Variants in ABCA5 observed in about 807,000 individuals in gnomAD.
ABCA5 encodes the protein ATP binding cassette subfamily A member 5.
ABCA5 carries 163 observed loss-of-function variants against 206.0 expected under a neutral mutation model. The observed-to-expected ratio is 0.79, with a 90% CI of 0.70 to 0.90. The LOEUF (loss-of-function observed/expected upper bound fraction) is 0.90. Ranked by LOEUF, ABCA5 falls within the 40% of genes least tolerant of loss-of-function variation. The probability of loss-of-function intolerance (pLI) is 0.00; values close to 1 mark genes in which losing one functional copy is unlikely to be tolerated. For missense variants in ABCA5, 1,859 were observed against 1,912.9 expected (o/e 0.97, Z 0.53); for synonymous variants, 609 against 613.8 (o/e 0.99, Z 0.11).
At chr17:69,277,930 G>C in intron 18 of ABCA5, 88 bp from the exon 19 acceptor site, 1 of 992,682 alleles carries the variant, frequency 1.0e-6, no homozygotes, top group South Asian at 2.0e-5. Flanking sequence ...AGAAGCATTG[G>C]TCTGGCAGTT....
intron 4 of ABCA5, 54 bp from the exon 5 acceptor site, chr17:69,308,422 G>A (rs568846058): frequency 2.2e-5 from 27 of 1,222,880 alleles, no homozygotes; most frequent in Middle Eastern, 1.9e-4. Flanking sequence ...CAAGTGCATC[G>A]TTTTAAAGAT....
rs566757690 is a variant in ABCA5, at chr17:69,251,949, GTTAA to G, written c.4416-87_4416-84del. On this transcript the variant is annotated intron_variant, in intron 34 of 38. Coordinates refer to ENST00000392676, the MANE Select transcript of ABCA5 (RefSeq NM_172232.4). ...GGGTTTTTAAAAATCCAACCGGTTG[GTTAA>G]TTAAGTTAATTAAAACTTACCAAAT... 945 of 1,414,674 alleles carry G rather than the reference GTTAA, an allele frequency of 6.7e-4. 3 individuals carry two copies. The highest frequency in any genetic ancestry group is 9.4e-4 in the South Asian group (74 of 79,070). 87.6% of individuals were successfully genotyped at this position (1,414,674 alleles called of 1,614,324 possible).
rs148439189 is a variant in ABCA5, at chr17:69,311,604, C to G, written c.307+1488G>C. 4.1e-3 allele frequency among the ~76,000 whole-genome samples: 620 copies of G among 152,210 alleles called. 10 individuals are homozygous for G. The highest frequency in any genetic ancestry group is 0.014 in the African/African-American group (566 of 41,538). On this transcript the variant is annotated intron_variant, in intron 3 of 38. Transcript: ENST00000392676. ...TCCCGGGTTCAAGCAATTCTCCTGCCTCAACCTCCCAAGTAGCTGGGACTA... is the reference window on the plus strand; with the variant it reads ...TCCCGGGTTCAAGCAATTCTCCTGCGTCAACCTCCCAAGTAGCTGGGACTA...
chr17:69,275,218 T>C (rs2075318382), intron 19 of ABCA5, among the ~76,000 whole-genome samples: 1 of 152,230 alleles, frequency 6.6e-6, no homozygotes, highest in Non-Finnish European at 1.5e-5. Context: ...AAACTCTGAA[T>C]GGCTGATATC....
At chr17:69,247,687 A>T in intron 38 of ABCA5, 43 bp from the exon 39 acceptor site, 1 of 1,142,722 alleles carries the variant, frequency 8.8e-7, no homozygotes, top group Non-Finnish European at 1.3e-6. Flanking sequence ...CTGTATCTCA[A>T]GTACCTCAAA....
In ABCA5 at chr17:69,273,660, T is replaced by C. The variant is rs188106409; in HGVS notation, c.2764+299A>G. Among the ~76,000 whole-genome samples, 471 of 152,118 alleles carry C rather than the reference T, an allele frequency of 3.1e-3. 3 individuals are homozygous for C. The highest frequency in any genetic ancestry group is 0.01 in the Middle Eastern group (3 of 294). ...TAGTAGAGACGGGGTTTCACCGTGT[T>C]AGCCAGGATGGTCTCGATCCCCTGA... On this transcript the variant is annotated intron_variant, in intron 20 of 38. Transcript: ENST00000392676.
Position 69,310,193 on chromosome 17 carries a change from C to T in ABCA5, c.308-770G>A, listed in dbSNP as rs191226472. Among the ~76,000 whole-genome samples the T allele has an allele frequency of 4.4e-3, 676 of 152,162 alleles. 5 individuals are homozygous for T. Among genetic ancestry groups the T allele is most frequent in the African/African-American group, 0.015 (635 of 41,508 alleles). ...GACAGGGCTTTGTTCTGTTACCCAG[C>T]CTGCAGTGCACTGGATCTTGCACTC... On this transcript the variant is annotated intron_variant, in intron 3 of 38. Transcript: ENST00000392676.
At chr17:69,248,372 T>C in intron 37 of ABCA5, 55 bp from the exon 38 acceptor site, 2 of 1,055,934 alleles carry the variant, frequency 1.9e-6, no homozygotes, top group Non-Finnish European at 2.8e-6. Context: ...AAAATGGCAA[T>C]ACCTACCAAA....
intron 24 of ABCA5, among the ~76,000 whole-genome samples, 159 bp downstream of exon 24, chr17:69,264,576 T>C (rs1019990489): frequency 6.6e-6 from 1 of 152,208 alleles, no homozygotes; most frequent in Non-Finnish European, 1.5e-5. Context: ...TCACTTATCA[T>C]ATAAAATGAT....
chr17:69,316,989 A>G (rs960440611), intron 1 of ABCA5: 1 of 152,268 alleles, frequency 6.6e-6, no homozygotes, highest in Non-Finnish European at 1.5e-5. Flanking sequence ...ATGTTCACAC[A>G]CGTTCACAGT....
In ABCA5 at chr17:69,303,800, A is replaced by ATGTG. The variant is rs1208858786; in HGVS notation, c.930+868_930+869insCACA. Among the ~76,000 whole-genome samples, 8 of 7,440 alleles carry ATGTG rather than the reference A, an allele frequency of 1.1e-3. 1 individual carries two copies. In the Non-Finnish European group the frequency reaches 0.018, roughly 17 times the overall value. 4.9% of individuals were successfully genotyped at this position (7,440 alleles called of 152,430 possible). ...AAAAAAAAAAAATATATATATATAT[A>ATGTG]TATATATACATACATATATATATAT... On this transcript the variant is annotated intron_variant, in intron 7 of 38. Transcript: ENST00000392676.
intron 22 of ABCA5, among the ~76,000 whole-genome samples, chr17:69,269,997 C>T (rs1012540178): frequency 6.6e-6 from 1 of 151,894 alleles, no homozygotes; most frequent in Non-Finnish European, 1.5e-5. Flanking sequence ...TTAAAACTGA[C>T]TGTAGTGATG....
chr17:69,274,103 T>C lies in ABCA5; in HGVS notation c.2620A>G (p.Thr874Ala), dbSNP rs1385559888. 3.2e-6 allele frequency: 5 copies of C among 1,567,202 alleles called. No homozygotes were observed. In the South Asian group the frequency reaches 6.1e-5, roughly 19 times the overall value. The change falls in exon 20 of 39, where the codon ACA (threonine) becomes GCA (alanine). Residue 874 changes from threonine to alanine, a missense_variant. Coordinates refer to ENST00000392676, the MANE Select transcript of ABCA5 (RefSeq NM_172232.4). ...ACCAAAAACATAAAAATCTGAACTG[T>C]GAAAAAAATTAAAAGCAGAAGCAAC... ...SVLLLLLIFF[T>A]VQIFMFLVHH...
chr17:69,265,814 T>C (rs537450996), intron 23 of ABCA5, among the ~76,000 whole-genome samples: 31 of 152,332 alleles, frequency 2.0e-4, no homozygotes, highest in Admixed American at 7.2e-4. Context: ...TTCAAACTTT[T>C]GTCATTCACA....
intron 32 of ABCA5, 137 bp downstream of exon 32, chr17:69,254,178 A>G (rs2075048877): frequency 1.4e-6 from 1 of 716,856 alleles, no homozygotes; most frequent in African/African-American, 1.8e-5. Context: ...CATATATCAT[A>G]AAGAATATAT....
intron 20 of ABCA5, 26 bp downstream of exon 20, chr17:69,273,933 G>A (rs752755984): frequency 1.8e-5 from 29 of 1,577,182 alleles, no homozygotes; most frequent in East Asian, 4.5e-5. Flanking sequence ...GCCAACACTC[G>A]TTCACAGACC....
chr17:69,311,478 GTTC>G (rs2075768884), intron 3 of ABCA5, among the ~76,000 whole-genome samples: 1 of 151,812 alleles, frequency 6.6e-6, no homozygotes, highest in South Asian at 2.1e-4. Context: ...TTGTTTGTTT[GTTC>G]TTTTTTTGTT....
chr17:69,252,236 G>A (rs1457147882), intron 34 of ABCA5, among the ~76,000 whole-genome samples: 2 of 151,814 alleles, frequency 1.3e-5, no homozygotes, highest in Admixed American at 6.6e-5. Context: ...GGATGGTCTC[G>A]ATCTCCTGAC....
At chr17:69,266,546 A>G (rs935761314) in intron 23 of ABCA5, among the ~76,000 whole-genome samples, 2 of 149,676 alleles carry the variant, frequency 1.3e-5, no homozygotes, top group East Asian at 3.9e-4. Flanking sequence ...GTGCACATGT[A>G]CCCTAAAACT....
Sources: gnomAD v4.1 joint callset for allele counts (sites outside exome capture counted in the v4.1 genomes callset) on GRCh38, gnomAD v4.1.1 for gene constraint, MANE v1.5 for transcripts, NCBI Gene and HGNC (gene_info 2026-07-23, HGNC 2026-07-21) for gene names.